DNMT3B: variants seen among roughly 807,000 people sequenced by gnomAD.
The protein encoded by DNMT3B is DNA methyltransferase 3 beta.
DNMT3B carries 37 observed loss-of-function variants against 120.2 expected under a neutral mutation model. That is an observed-to-expected ratio of 0.31 (90% CI 0.24 to 0.40). The LOEUF is 0.40. DNMT3B is among the 10% of genes least tolerant of loss of function. DNMT3B has a pLI of 1.00. For synonymous variants in DNMT3B, 412 were observed against 442.8 expected (o/e 0.93, Z 0.87); for missense variants, 878 against 1,137.3 (o/e 0.77, Z 3.28).
rs757859108 is a variant in DNMT3B at position 32,787,480 on chromosome 20, G to T, written c.654+29G>T. On this transcript the variant is annotated intron_variant, in intron 6 of 22. Transcript: ENST00000328111. ...TGGCCGAGAGGGGCTCCTGCCCAGGGTGACTGAGGACCCTGAACACGGGGA... is the reference window on the plus strand; with the variant it reads ...TGGCCGAGAGGGGCTCCTGCCCAGGTTGACTGAGGACCCTGAACACGGGGA... 10 of 1,604,094 alleles carry T rather than the reference G, an allele frequency of 6.2e-6. No homozygotes were observed. The East Asian group carries it at 1.6e-4, about 25-fold the overall frequency.
intron 16 of DNMT3B, among the ~76,000 whole-genome samples, chr20:32,799,845 A>G (rs2424925): frequency 0.021 from 3,213 of 152,336 alleles, 111 homozygotes; most frequent in African/African-American, 0.073. Context: ...AAGGACATAC[A>G]TCTTAGCTGT....
At chr20:32,796,642 A>G in intron 12 of DNMT3B, 148 bp from the exon 13 acceptor site, 2 of 813,882 alleles carry the variant, frequency 2.5e-6, no homozygotes, top group Non-Finnish European at 4.2e-6. Flanking sequence ...GTTGAGTGGT[A>G]GAAGCTGTGA....
At chr20:32,798,833 C>A (rs1980978990) in intron 15 of DNMT3B, among the ~76,000 whole-genome samples, 190 bp downstream of exon 15, 1 of 152,232 alleles carries the variant, frequency 6.6e-6, no homozygotes, top group Non-Finnish European at 1.5e-5. Context: ...TTCATTCACT[C>A]CCTCCTTGCC....
chr20:32,799,166 G>A (rs1263557315), intron 15 of DNMT3B, 78 bp from the exon 16 acceptor site: 4 of 1,512,326 alleles, frequency 2.6e-6, no homozygotes. Context: ...CTCTGAGCAG[G>A]GTCAGCCTGC....
chr20:32,773,935 T>TA (rs1491568912), intron 1 of DNMT3B, among the ~76,000 whole-genome samples: 2 of 5,952 alleles, frequency 3.4e-4, no homozygotes, highest in Non-Finnish European at 1.2e-3. Flanking sequence ...CCGGCAGTGG[T>TA]TTTTTTTTTT....
At chr20:32,784,903 CTACATAGCA>C (rs1247806024) in intron 4 of DNMT3B, 44 bp downstream of exon 4, 2 of 1,584,498 alleles carry the variant, frequency 1.3e-6, no homozygotes, top group Admixed American at 1.7e-5. Flanking sequence ...GGCCAACACT[CTACATAGCA>C]TACATAGCAT....
At chr20:32,801,538 G>A in intron 19 of DNMT3B, 112 bp downstream of exon 19, 3 of 1,444,994 alleles carry the variant, frequency 2.1e-6, no homozygotes, top group African/African-American at 1.4e-5. Context: ...CCCGTTCTTG[G>A]TCTGGCTAGA....
chr20:32,782,205 T>G (rs140534114), intron 3 of DNMT3B, among the ~76,000 whole-genome samples: 2 of 152,128 alleles, frequency 1.3e-5, no homozygotes, highest in Non-Finnish European at 2.9e-5. Context: ...GGGAAAGGCA[T>G]TAAATTTGTA....
intron 14 of DNMT3B, 69 bp from the exon 15 acceptor site, chr20:32,798,391 A>G (rs1980897412): frequency 1.3e-6 from 2 of 1,596,880 alleles, no homozygotes; most frequent in African/African-American, 2.7e-5. Flanking sequence ...TCCCTGTGGA[A>G]GTGGTAAGGG....
chr20:32,781,958 G>A (rs377744356), intron 3 of DNMT3B, among the ~76,000 whole-genome samples: 112 of 152,180 alleles, frequency 7.4e-4, no homozygotes, highest in African/African-American at 2.6e-3. Flanking sequence ...GAGTGATGAC[G>A]CTGGCAATTC....
chr20:32,766,460 C>T (rs1987374680), intron 1 of DNMT3B, among the ~76,000 whole-genome samples: 1 of 152,174 alleles, frequency 6.6e-6, no homozygotes, highest in Non-Finnish European at 1.5e-5. Flanking sequence ...CCTTCTGCCT[C>T]AGCCTTCCAA....
intron 12 of DNMT3B, among the ~76,000 whole-genome samples, chr20:32,796,531 C>A (rs1285085182): frequency 6.6e-6 from 1 of 152,190 alleles, no homozygotes; most frequent in Non-Finnish European, 1.5e-5. Context: ...CCAGGGAGGT[C>A]CCCCTGCTCA....
At chr20:32,805,012 C>T (rs1363129396) in intron 20 of DNMT3B, among the ~76,000 whole-genome samples, 4 of 152,158 alleles carry the variant, frequency 2.6e-5, no homozygotes, top group Admixed American at 6.5e-5. Flanking sequence ...TAGTGTGACT[C>T]GCTCAAGCTC....
chr20:32,780,162 G>A (rs573451454), intron 1 of DNMT3B, 156 bp from the exon 2 acceptor site: 5 of 1,613,390 alleles, frequency 3.1e-6, no homozygotes, highest in African/African-American at 1.3e-5. Context: ...GGGAGGCTAT[G>A]GGGGGCAGCC....
intron 21 of DNMT3B, among the ~76,000 whole-genome samples, chr20:32,805,901 C>T (rs73615610): frequency 2.0e-5 from 3 of 152,122 alleles, no homozygotes; most frequent in Admixed American, 6.5e-5. Flanking sequence ...CACGTGATCT[C>T]GTTCATGGTC....
intron 1 of DNMT3B, among the ~76,000 whole-genome samples, chr20:32,766,712 C>T (rs969272418): frequency 4.6e-5 from 7 of 151,676 alleles, no homozygotes; most frequent in African/African-American, 9.7e-5. Context: ...CTCAACTTCC[C>T]GAGTAGCTGA....
chr20:32,803,191 C>T (rs374372025), intron 20 of DNMT3B, among the ~76,000 whole-genome samples: 1 of 152,228 alleles, frequency 6.6e-6, no homozygotes, highest in South Asian at 2.1e-4. Flanking sequence ...CTGAAAGCCA[C>T]AAAGCAGCTT....
At chr20:32,763,048 C>CGAG (rs1223691085) in intron 1 of DNMT3B, among the ~76,000 whole-genome samples, 1 of 152,016 alleles carries the variant, frequency 6.6e-6, no homozygotes, top group African/African-American at 2.4e-5. Context: ...GGTCCAGACT[C>CGAG]GAGGAGGAGG....
chr20:32,772,130 T>A (rs1354812279), intron 1 of DNMT3B, among the ~76,000 whole-genome samples: 1 of 152,224 alleles, frequency 6.6e-6, no homozygotes, highest in Non-Finnish European at 1.5e-5. Flanking sequence ...TGACCGTGAT[T>A]TGATTGCAGT....
Sources: gnomAD v4.1 joint callset for allele counts (sites outside exome capture counted in the v4.1 genomes callset) on GRCh38, gnomAD v4.1.1 for gene constraint, MANE v1.5 for transcripts, NCBI Gene and HGNC (gene_info 2026-07-23, HGNC 2026-07-21) for gene names.